ST14: variants seen among roughly 807,000 people sequenced by gnomAD.
ST14 encodes ST14 transmembrane serine protease matriptase, also known as suppressor of tumorigenicity 14 protein.
ST14 carries 40 observed loss-of-function variants against 96.5 expected under a neutral mutation model. The ratio of observed to expected loss-of-function variants is 0.41; its 90% CI spans 0.32 to 0.54. The LOEUF (loss-of-function observed/expected upper bound fraction) is 0.54, where lower values mean the gene tolerates loss of function less well. Among genes scored for constraint, ST14 ranks in the 20% least tolerant of loss-of-function variants. The pLI, the probability that ST14 is intolerant of heterozygous loss-of-function variation, is 0.17. For synonymous variants in ST14, 506 were observed against 492.1 expected, an observed-to-expected ratio of 1.03 and a Z score of -0.37; for missense variants, 1,066 against 1,188.9, an observed-to-expected ratio of 0.90 and a Z score of 1.52.
chr11:130,204,971 C>T (rs1565628973), intron 16 of ST14, among the ~76,000 whole-genome samples: 1 of 152,092 alleles, frequency 6.6e-6, no homozygotes, highest in Non-Finnish European at 1.5e-5. Flanking sequence ...TTTTGACCTT[C>T]CTGAGAGGTG....
intron 1 of ST14, among the ~76,000 whole-genome samples, chr11:130,173,198 T>C (rs1254092756): frequency 6.6e-6 from 1 of 152,172 alleles, no homozygotes; most frequent in East Asian, 1.9e-4. Context: ...TGTCTCTCTT[T>C]GATTTTAATT....
rs545573914 is a variant in ST14, at chr11:130,208,614, G to A, written c.2199G>A (p.Pro733=). 8 of 1,613,954 alleles carry A rather than the reference G, an allele frequency of 5.0e-6. No homozygotes were observed. The highest frequency in any genetic ancestry group is 4.5e-5 in the East Asian group (2 of 44,878). ...YSSMVRPICL[P]DASHVFPAGK... The stretch of plus-strand genomic sequence containing the variant: ...CCATGGTGCGGCCCATCTGCCTGCC[G>A]GACGCCTCCCATGTCTTCCCTGCCG... The change falls in exon 17 of 19, where the codon CCG becomes CCA. Residue 733 remains proline (P), a synonymous_variant. Transcript: ENST00000278742.
intron 16 of ST14, among the ~76,000 whole-genome samples, chr11:130,201,178 G>A (rs1200344542): frequency 6.6e-6 from 1 of 152,248 alleles, no homozygotes; most frequent in Non-Finnish European, 1.5e-5. Context: ...CCAGGAACAG[G>A]GGCACAATGC....
Position 130,159,905 on chromosome 11 carries a change from C to CGCGCCCT in ST14, c.-71_-65dup, listed in dbSNP as rs946367698. On this transcript the variant is annotated 5_prime_UTR_variant, in exon 1 of 19. Coordinates refer to ENST00000278742, the MANE Select transcript of ST14 (RefSeq NM_021978.4). ...ATCCCGCCGCCTGCGCCCCGCGCCCCGCGCCCTGCGGGCCATGGGAGCCGG... is the reference window on the plus strand; with the variant it reads ...ATCCCGCCGCCTGCGCCCCGCGCCCCGCGCCCTGCGCCCTGCGGGCCATGGGAGCCGG... 6 of 956,214 alleles carry CGCGCCCT rather than the reference C, an allele frequency of 6.3e-6. No homozygotes were observed. Among genetic ancestry groups the CGCGCCCT allele is most frequent in the Non-Finnish European group, 8.1e-6 (6 of 742,592 alleles). The allele number at this position is 956,214 out of a possible 1,614,324, so 59.2% of individuals were successfully genotyped here. A position where few individuals can be genotyped will look rare whatever the true frequency, so the allele number is the denominator to read the frequency against.
At chr11:130,170,646 GTTCCTAACCGAGAGGT>G in intron 1 of ST14, among the ~76,000 whole-genome samples, 1 of 151,906 alleles carries the variant, frequency 6.6e-6, no homozygotes, top group Non-Finnish European at 1.5e-5. Context: ...AGGCAGATGG[GTTCCTAACCGAGAGGT>G]TAGGAACCTC....
At chr11:130,175,145 TC>T (rs1450529422) in intron 1 of ST14, among the ~76,000 whole-genome samples, 1 of 152,140 alleles carries the variant, frequency 6.6e-6, no homozygotes, top group African/African-American at 2.4e-5. Flanking sequence ...TCACGTGCCA[TC>T]CCTAAGATAG....
At chr11:130,184,800 A>G (rs1591884915) in intron 1 of ST14, among the ~76,000 whole-genome samples, 1 of 152,244 alleles carries the variant, frequency 6.6e-6, no homozygotes, top group South Asian at 2.1e-4. Flanking sequence ...GAGAGAGGTG[A>G]AAAGAAGGGG....
At chr11:130,160,216 G>C (rs973941291) in intron 1 of ST14, among the ~76,000 whole-genome samples, 156 bp downstream of exon 1, 1 of 151,958 alleles carries the variant, frequency 6.6e-6, no homozygotes, top group African/African-American at 2.4e-5. Flanking sequence ...GCCGGGCCGC[G>C]GGCGGGCGGG....
intron 1 of ST14, 43 bp downstream of exon 1, chr11:130,160,103 C>A: frequency 7.6e-7 from 1 of 1,324,108 alleles, no homozygotes; most frequent in South Asian, 1.7e-5. Flanking sequence ...AAGCTCCTGC[C>A]CGCCCGACCC....
chr11:130,193,105 T>TA (rs1405161468), intron 7 of ST14, among the ~76,000 whole-genome samples: 1 of 150,940 alleles, frequency 6.6e-6, no homozygotes, highest in Non-Finnish European at 1.5e-5. Flanking sequence ...CCAGGCATGT[T>TA]TTTTTTTTTG....
intron 12 of ST14, 130 bp downstream of exon 12, chr11:130,198,075 T>A: frequency 2.0e-6 from 2 of 996,900 alleles, no homozygotes; most frequent in Non-Finnish European, 3.0e-6. Flanking sequence ...CGGCCCTGTG[T>A]AGAGACCTCT....
At position 130,188,491 on chromosome 11, in the gene ST14, A is replaced by T; in HGVS notation, c.242-39A>T. On this transcript the variant is annotated intron_variant, in intron 2 of 18. Transcript: ENST00000278742. This position sits in a 1 kb window ranked among gnomAD's most constrained non-coding sequence, Gnocchi z 5.4. ...ACGGCGAGGGACAGGCGGGGGTGGT[A>T]CCACCTCCCCTGACTGAGCGCCTTC... The T allele has an allele frequency of 1.2e-6, 2 of 1,608,598 alleles. No individual in the cohort carries two copies. Among genetic ancestry groups the T allele is most frequent in the Middle Eastern group, 1.8e-4 (1 of 5,492 alleles).
Position 130,189,838 on chromosome 11 carries a change from GCT to G in ST14, c.541_542del (p.Leu181AlafsTer54), listed in dbSNP as rs1953276599. On this transcript the variant is annotated frameshift_variant, in exon 5 of 19. Coordinates refer to ENST00000278742, the MANE Select transcript of ST14 (RefSeq NM_021978.4). LOFTEE classifies it high-confidence loss of function. ...TCATGGCCGAGGAGCGCGTAGTCATGCTGCCCCCGCGGGCGCGCTCCCTGAAG... is the reference window on the plus strand; with the variant it reads ...TCATGGCCGAGGAGCGCGTAGTCATGGCCCCCGCGGGCGCGCTCCCTGAAG... ...RVMAEERVVMLPPRARSLKSF... is the reference protein window; with the variant it reads ...RVMAEERVVMXPPRARSLKSF... 6.2e-7 allele frequency: 1 copy of G among 1,613,806 alleles called. No individual in the cohort carries two copies. Among genetic ancestry groups the G allele is most frequent in the Non-Finnish European group, 8.5e-7 (1 of 1,179,954 alleles).
At chr11:130,178,965 A>G (rs986607741) in intron 1 of ST14, among the ~76,000 whole-genome samples, 2 of 152,128 alleles carry the variant, frequency 1.3e-5, no homozygotes, top group African/African-American at 4.8e-5. Flanking sequence ...CTTATAACCA[A>G]TTGTGGGAGG....
chr11:130,208,297 G>T, intron 16 of ST14, 113 bp from the exon 17 acceptor site: 1 of 1,477,790 alleles, frequency 6.8e-7, no homozygotes, highest in South Asian at 1.2e-5. Flanking sequence ...TCGTCTTCTC[G>T]TAGCAGCAGC....
At chr11:130,160,783 G>C (rs1227474086) in intron 1 of ST14, among the ~76,000 whole-genome samples, 1 of 152,214 alleles carries the variant, frequency 6.6e-6, no homozygotes, top group Non-Finnish European at 1.5e-5. Context: ...TGGAGTTGGG[G>C]ATGGGTCGCT....
Position 130,188,474 on chromosome 11 carries a change from G to A in ST14, c.242-56G>A. 1.2e-6 allele frequency: 2 copies of A among 1,610,700 alleles called. No individual in the cohort carries two copies. The highest frequency in any genetic ancestry group is 1.7e-6 in the Non-Finnish European group (2 of 1,179,692). ...TTCATTCCCCATTGTGGACGGCGAG[G>A]GACAGGCGGGGGTGGTACCACCTCC... On this transcript the variant is annotated intron_variant, in intron 2 of 18. Coordinates refer to ENST00000278742, the MANE Select transcript of ST14 (RefSeq NM_021978.4). This position sits in a 1 kb window ranked among gnomAD's most constrained non-coding sequence, Gnocchi z 5.4.
rs116640600 is a variant in ST14 at position 130,205,666 on chromosome 11, C to T, written c.1995-2744C>T. Among the ~76,000 whole-genome samples, 619 of 151,336 alleles carry T rather than the reference C, an allele frequency of 4.1e-3. 9 individuals carry two copies. Among genetic ancestry groups the T allele is most frequent in the African/African-American group, 0.015 (601 of 41,138 alleles). On this transcript the variant is annotated intron_variant, in intron 16 of 18. Transcript: ENST00000278742. ...AGCTGACGTACGCGTCATAAATGTC[C>T]TCCAATCATGCCCATCATGTTCTTC...
intron 1 of ST14, among the ~76,000 whole-genome samples, chr11:130,186,183 G>T (rs1310487450): frequency 1.3e-5 from 2 of 152,220 alleles, no homozygotes; most frequent in African/African-American, 4.8e-5. Context: ...ATAAATGTGT[G>T]AGTGTAGAAT....
Sources: allele counts gnomAD v4.1 joint callset (sites outside exome capture counted in the v4.1 genomes callset), GRCh38; gene constraint gnomAD v4.1.1; non-coding constraint Gnocchi (gnomAD v3.1); transcripts MANE v1.5; gene names NCBI Gene and HGNC (gene_info 2026-07-23, HGNC 2026-07-21).